RYR2: variants seen among roughly 807,000 people sequenced by gnomAD.
RYR2 encodes the protein ryanodine receptor 2.
A neutral mutation model predicts 601.1 loss-of-function variants in RYR2; 227 were observed. The ratio of observed to expected loss-of-function variants is 0.38; its 90% CI spans 0.34 to 0.42. The LOEUF is 0.42. Among genes scored for constraint, RYR2 ranks in the 10% least tolerant of loss-of-function variants. The pLI, the probability that RYR2 is intolerant of heterozygous loss-of-function variation, is 1.00. For missense variants in RYR2, 4,646 were observed against 6,156.5 expected, an observed-to-expected ratio of 0.75 and a Z score of 8.21; for synonymous variants, 2,223 against 2,175.1, an observed-to-expected ratio of 1.02 and a Z score of -0.61.
intron 29 of RYR2, among the ~76,000 whole-genome samples, chr1:237,572,461 C>T (rs1441183388): frequency 6.6e-6 from 1 of 152,164 alleles, no homozygotes; most frequent in Non-Finnish European, 1.5e-5. Flanking sequence ...ATAGACCAAT[C>T]ACCATTGCAA....
chr1:237,505,766 C>G (rs1271628269), intron 22 of RYR2, among the ~76,000 whole-genome samples: 1 of 152,178 alleles, frequency 6.6e-6, no homozygotes, highest in Non-Finnish European at 1.5e-5. Flanking sequence ...TTTGCCCACT[C>G]TATGTGTTGC....
chr1:237,705,126 C>T (rs1430001314), intron 66 of RYR2, 87 bp from the exon 67 acceptor site: 5 of 1,182,462 alleles, frequency 4.2e-6, no homozygotes, highest in Admixed American at 2.1e-5. Context: ...ATTATCATTC[C>T]TTTTAGGTTA....
intron 1 of RYR2, among the ~76,000 whole-genome samples, chr1:237,137,320 G>A (rs1368577947): frequency 1.3e-5 from 2 of 152,092 alleles, no homozygotes; most frequent in South Asian, 2.1e-4. Flanking sequence ...TTGTGCTGGT[G>A]GGGCTGACCT....
intron 63 of RYR2, among the ~76,000 whole-genome samples, chr1:237,688,842 C>A (rs192682913): frequency 3.9e-5 from 6 of 152,266 alleles, no homozygotes; most frequent in Non-Finnish European, 8.8e-5. Flanking sequence ...TATTAATGAG[C>A]ATAATAATAC....
intron 34 of RYR2, among the ~76,000 whole-genome samples, chr1:237,596,959 A>G (rs1270329604): frequency 6.6e-6 from 1 of 152,216 alleles, no homozygotes; most frequent in Non-Finnish European, 1.5e-5. Flanking sequence ...GCAAAAGCAG[A>G]ATGAATTCAC....
intron 1 of RYR2, among the ~76,000 whole-genome samples, chr1:237,114,900 C>A (rs1010926951): frequency 2.6e-5 from 4 of 152,172 alleles, no homozygotes; most frequent in African/African-American, 9.7e-5. Flanking sequence ...GAAGGCACAT[C>A]TTTAGCAGAA....
At chr1:237,589,239 A>C (rs1572993220) in intron 29 of RYR2, among the ~76,000 whole-genome samples, 1 of 152,344 alleles carries the variant, frequency 6.6e-6, no homozygotes, top group East Asian at 1.9e-4. Flanking sequence ...AATTTTCTTC[A>C]AAGATCAAAA....
At chr1:237,706,179 G>A (rs1196337221) in intron 67 of RYR2, among the ~76,000 whole-genome samples, 2 of 152,112 alleles carry the variant, frequency 1.3e-5, no homozygotes, top group African/African-American at 4.8e-5. Context: ...AACTGGGGAG[G>A]CAGAGTTTGC....
chr1:237,513,571 T>A (rs926715637), intron 24 of RYR2, among the ~76,000 whole-genome samples: 1 of 152,232 alleles, frequency 6.6e-6, no homozygotes, highest in African/African-American at 2.4e-5. Flanking sequence ...GAGATTATAA[T>A]GGAGCTGAAA....
In RYR2 at chr1:237,148,547, T is replaced by C. The variant is rs893891299; in HGVS notation, c.48+105978T>C. On this transcript the variant is annotated intron_variant, in intron 1 of 104. Transcript: ENST00000366574. ...AAAAAAATATATATATATATATATA[T>C]ATATATACACACACACATATATATA... Among the ~76,000 whole-genome samples, 54 of 136,270 alleles carry C rather than the reference T, an allele frequency of 4.0e-4. 1 individual carries two copies. The highest frequency in any genetic ancestry group is 1.5e-3 in the African/African-American group (52 of 35,222). 89.4% of individuals were successfully genotyped at this position (136,270 alleles called of 152,430 possible).
intron 74 of RYR2, among the ~76,000 whole-genome samples, chr1:237,723,854 G>A (rs1255815699): frequency 6.6e-6 from 1 of 151,912 alleles, no homozygotes; most frequent in Non-Finnish European, 1.5e-5. Context: ...ACAAAGCTCA[G>A]TTTGATATTC....
intron 1 of RYR2, among the ~76,000 whole-genome samples, chr1:237,176,055 G>T (rs1678007254): frequency 6.6e-6 from 1 of 151,642 alleles, no homozygotes. Flanking sequence ...AACATAGTGA[G>T]ACCTTATCTC....
chr1:237,277,519 A>T (rs1310080618), intron 2 of RYR2, among the ~76,000 whole-genome samples: 1 of 152,220 alleles, frequency 6.6e-6, no homozygotes, highest in Non-Finnish European at 1.5e-5. Context: ...ATAGGAGTGG[A>T]TTGATGAGAG....
intron 24 of RYR2, among the ~76,000 whole-genome samples, chr1:237,529,816 G>C (rs1318722730): frequency 7.1e-6 from 1 of 140,778 alleles, no homozygotes; most frequent in Non-Finnish European, 1.5e-5. Flanking sequence ...ATCTGCTTTA[G>C]TAGGTACATA....
At chr1:237,707,937 AAT>A (rs1491315981) in intron 68 of RYR2, among the ~76,000 whole-genome samples, 1 of 83,212 alleles carries the variant, frequency 1.2e-5, no homozygotes, top group Non-Finnish European at 2.6e-5. Context: ...ATGCCCAGCT[AAT>A]TTTTTTTTTT....
At chr1:237,727,237 A>T (rs773912508) in intron 76 of RYR2, 38 bp downstream of exon 76, 2 of 994,052 alleles carry the variant, frequency 2.0e-6, no homozygotes, top group Middle Eastern at 2.2e-4. Context: ...GATCAATGTT[A>T]TTTTTTCCTA....
chr1:237,508,989 G>A (rs939835806), intron 23 of RYR2, among the ~76,000 whole-genome samples: 7 of 151,956 alleles, frequency 4.6e-5, no homozygotes, highest in South Asian at 2.1e-4. Flanking sequence ...TGATCCGCCC[G>A]CCTCGGCCTC....
At chr1:237,416,482 A>G (rs1290144445) in intron 10 of RYR2, among the ~76,000 whole-genome samples, 4 of 152,202 alleles carry the variant, frequency 2.6e-5, no homozygotes, top group African/African-American at 9.7e-5. Context: ...ATGCATCCAA[A>G]GAAATTCCTT....
chr1:237,550,296 AGTT>A (rs1402893272), intron 26 of RYR2, among the ~76,000 whole-genome samples: 11 of 152,076 alleles, frequency 7.2e-5, no homozygotes, highest in Non-Finnish European at 1.5e-4. Context: ...AGATCACTGA[AGTT>A]GTTTTTTGTT....
Sources: allele counts gnomAD v4.1 joint callset (sites outside exome capture counted in the v4.1 genomes callset), GRCh38; gene constraint gnomAD v4.1.1; transcripts MANE v1.5; gene names NCBI Gene and HGNC (gene_info 2026-07-23, HGNC 2026-07-21).